Variants in OPCML observed in about 807,000 individuals in gnomAD.
OPCML encodes the protein opioid-binding protein/cell adhesion molecule.
OPCML carries 13 observed loss-of-function variants against 37.8 expected under a neutral mutation model. The ratio of observed to expected loss-of-function variants is 0.34; its 90% CI spans 0.22 to 0.55. OPCML has a LOEUF of 0.55. Among genes scored for constraint, OPCML ranks in the 20% least tolerant of loss-of-function variants. The pLI is 0.91. For missense variants in OPCML, 341 were observed against 435.6 expected, an observed-to-expected ratio of 0.78 and a Z score of 1.93; for synonymous variants, 176 against 168.8, an observed-to-expected ratio of 1.04 and a Z score of -0.33.
chr11:133,426,788 TGGAG>T (rs1946012453), intron 1 of OPCML, among the ~76,000 whole-genome samples: 1 of 152,174 alleles, frequency 6.6e-6, no homozygotes, highest in Non-Finnish European at 1.5e-5. Flanking sequence ...CAGTAAACAC[TGGAG>T]GCCGCCATTT....
intron 1 of OPCML, among the ~76,000 whole-genome samples, chr11:133,307,422 G>T (rs1030269190): frequency 6.6e-6 from 1 of 152,218 alleles, no homozygotes; most frequent in South Asian, 2.1e-4. Flanking sequence ...TACAAAATAT[G>T]TTTATACACA....
intron 1 of OPCML, among the ~76,000 whole-genome samples, chr11:133,378,681 TTTCTTTCTTTCTTTTTTTCCTTCCTTCC>T: frequency 1.3e-5 from 2 of 151,690 alleles, no homozygotes; most frequent in South Asian, 4.1e-4. Flanking sequence ...TTTTCTTTTC[TTTCTTTCTTTCTTTTTTTCCTTCCTTCC>T]TTCTTTCTTT....
At chr11:132,869,701 A>C (rs1942720860) in intron 2 of OPCML, among the ~76,000 whole-genome samples, 1 of 152,180 alleles carries the variant, frequency 6.6e-6, no homozygotes. Flanking sequence ...TCTCAGCTAA[A>C]TTCTGAAAGG....
chr11:132,850,753 G>T, intron 2 of OPCML, among the ~76,000 whole-genome samples: 1 of 152,096 alleles, frequency 6.6e-6, no homozygotes, highest in East Asian at 1.9e-4. Flanking sequence ...AATTCAGACA[G>T]GAAACTAGCA....
chr11:133,032,490 G>C (rs1478783518), intron 1 of OPCML, among the ~76,000 whole-genome samples: 3 of 152,144 alleles, frequency 2.0e-5, no homozygotes, highest in Non-Finnish European at 2.9e-5. Flanking sequence ...TATTGGTTTT[G>C]GTTGTAAAAG....
At chr11:132,701,421 C>A (rs1025077920) in intron 2 of OPCML, among the ~76,000 whole-genome samples, 1 of 152,170 alleles carries the variant, frequency 6.6e-6, no homozygotes, top group Non-Finnish European at 1.5e-5. Context: ...TTATGACAGG[C>A]TTTTACTTAA....
chr11:132,968,437 G>C (rs1001559925), intron 1 of OPCML, among the ~76,000 whole-genome samples: 1 of 152,118 alleles, frequency 6.6e-6, no homozygotes, highest in Non-Finnish European at 1.5e-5. Context: ...GAGCATGCTC[G>C]CTTGGATCTC....
intron 1 of OPCML, among the ~76,000 whole-genome samples, chr11:133,481,094 C>T (rs1261167488): frequency 6.6e-6 from 1 of 152,162 alleles, no homozygotes. Context: ...CTCACCAATG[C>T]TAAATAATTT....
rs11826330 is a variant in OPCML at position 132,911,282 on chromosome 11, A to G, written c.146+31644T>C. ...GAAACCAGTCATTTGAGCAACAGAT[A>G]TATGTCCTAGCTTCTTGAACTGCCA... On this transcript the variant is annotated intron_variant, in intron 2 of 7. Transcript: ENST00000524381. 9.3e-3 allele frequency among the ~76,000 whole-genome samples: 1,420 copies of G among 152,354 alleles called. 19 individuals are homozygous for G. The highest frequency in any genetic ancestry group is 0.033 in the African/African-American group (1,362 of 41,588).
At position 133,462,847 on chromosome 11, in the gene OPCML, A is replaced by T. The variant is rs968027742; in HGVS notation, c.61+69417T>A. ...CACTTCTGTGTATATATCTGAAAGA[A>T]CTAAGAGCAAGAAAATGAACAGATA... On this transcript the variant is annotated intron_variant, in intron 1 of 7. Coordinates refer to ENST00000524381, the MANE Select transcript of OPCML (RefSeq NM_001012393.5). 3.3e-5 allele frequency among the ~76,000 whole-genome samples: 5 copies of T among 152,204 alleles called. No individual in the cohort carries two copies. The East Asian group carries it at 7.7e-4, about 23-fold the overall frequency.
At chr11:132,681,877 C>T (rs1942959519) in intron 2 of OPCML, among the ~76,000 whole-genome samples, 1 of 151,946 alleles carries the variant, frequency 6.6e-6, no homozygotes. Context: ...ATGGCGTGAA[C>T]CCGGGAGGTG....
chr11:132,474,696 T>C (rs1441790614), intron 4 of OPCML, among the ~76,000 whole-genome samples: 1 of 152,174 alleles, frequency 6.6e-6, no homozygotes, highest in Non-Finnish European at 1.5e-5. Context: ...TTCATATAGC[T>C]GGTCTTCTGT....
intron 1 of OPCML, among the ~76,000 whole-genome samples, chr11:133,500,565 TCCCACCACCTC>T (rs1244094932): frequency 2.0e-5 from 3 of 152,154 alleles, no homozygotes; most frequent in Non-Finnish European, 4.4e-5. Flanking sequence ...CTCGCTCCCT[TCCCACCACCTC>T]CCCTGCAGGG....
chr11:133,327,884 C>T (rs1943514476), intron 1 of OPCML, among the ~76,000 whole-genome samples: 2 of 152,270 alleles, frequency 1.3e-5, no homozygotes, highest in Admixed American at 6.5e-5. Flanking sequence ...ATCAAACTGA[C>T]AAGGTGCTCG....
At chr11:133,516,698 C>T (rs1355133280) in intron 1 of OPCML, among the ~76,000 whole-genome samples, 1 of 152,122 alleles carries the variant, frequency 6.6e-6, no homozygotes, top group East Asian at 1.9e-4. Flanking sequence ...CGGTGCAGAG[C>T]CGGGACAGAG....
chr11:132,866,360 C>T (rs1942554882), intron 2 of OPCML, among the ~76,000 whole-genome samples: 1 of 152,206 alleles, frequency 6.6e-6, no homozygotes, highest in Non-Finnish European at 1.5e-5. Context: ...TACTTGTGAT[C>T]CTATTAAGCT....
Position 133,193,302 on chromosome 11 carries a change from C to T in OPCML, c.62-250292G>A, listed in dbSNP as rs145572298. Among the ~76,000 whole-genome samples, 814 of 152,206 alleles carry T rather than the reference C, an allele frequency of 5.3e-3. 7 individuals are homozygous for T. The highest frequency in any genetic ancestry group is 0.017 in the African/African-American group (699 of 41,510). On this transcript the variant is annotated intron_variant, in intron 1 of 7. Transcript: ENST00000524381. ...TTTTAGTTGGCCAAGAGGAGAAATC[C>T]AAGGAGTGAGTAAAAGCATCTCCCG...
At chr11:132,479,670 G>A (rs1196467908) in intron 4 of OPCML, among the ~76,000 whole-genome samples, 1 of 152,174 alleles carries the variant, frequency 6.6e-6, no homozygotes, top group Non-Finnish European at 1.5e-5. Context: ...GTACGCAGCT[G>A]GAGATCTGAG....
chr11:132,430,297 G>A (rs1235812047), intron 7 of OPCML, among the ~76,000 whole-genome samples: 1 of 152,134 alleles, frequency 6.6e-6, no homozygotes, highest in Non-Finnish European at 1.5e-5. Context: ...GGGGGAAGAG[G>A]AGGGAGGTGG....
Sources: allele counts gnomAD v4.1 joint callset (sites outside exome capture counted in the v4.1 genomes callset), GRCh38; gene constraint gnomAD v4.1.1; transcripts MANE v1.5; gene names NCBI Gene and HGNC (gene_info 2026-07-23, HGNC 2026-07-21).